MRPL32: variants seen among roughly 807,000 people sequenced by gnomAD.
MRPL32 encodes the protein large ribosomal subunit protein bL32m.
Under a neutral mutation model 21.7 loss-of-function variants are expected in MRPL32, and 14 were observed. The observed-to-expected ratio is 0.64, with a 90% CI of 0.43 to 1.01. The LOEUF (loss-of-function observed/expected upper bound fraction) is 1.01. MRPL32 is among the 50% of genes least tolerant of loss of function. The pLI, the probability that MRPL32 is intolerant of heterozygous loss-of-function variation, is 0.00. For missense variants in MRPL32, 211 were observed against 235.9 expected (o/e 0.89, Z 0.69); for synonymous variants, 83 against 87.7 (o/e 0.95, Z 0.30).
intron 2 of MRPL32, 65 bp from the exon 3 acceptor site, chr7:42,937,257 G>C (rs897917239): frequency 8.1e-6 from 13 of 1,611,240 alleles, no homozygotes; most frequent in African/African-American, 4.0e-5. Context: ...CATTGCTCCT[G>C]TCAGTGGTTA....
chr7:42,932,860 G>C (rs1786352620), intron 1 of MRPL32, among the ~76,000 whole-genome samples: 1 of 152,168 alleles, frequency 6.6e-6, no homozygotes, highest in South Asian at 2.1e-4. Flanking sequence ...CTCCATCCCG[G>C]TTTGTGCAGA....
chr7:42,936,921 A>G, intron 2 of MRPL32: 1 of 335,368 alleles, frequency 3.0e-6, no homozygotes, highest in East Asian at 7.6e-5. Context: ...GATAGATTGA[A>G]AGACAAAGGG....
intron 2 of MRPL32, 94 bp downstream of exon 2, chr7:42,935,230 C>G: frequency 9.9e-7 from 1 of 1,009,296 alleles, no homozygotes; most frequent in Admixed American, 2.7e-5. Flanking sequence ...AAATTATTAT[C>G]AGATTATATG....
intron 1 of MRPL32, among the ~76,000 whole-genome samples, chr7:42,933,922 C>T (rs1786377906): frequency 2.0e-5 from 3 of 152,216 alleles, no homozygotes; most frequent in South Asian, 4.1e-4. Context: ...AAATAAATGC[C>T]AGTTGTTAAG....
chr7:42,937,368 A>T lies in MRPL32; in HGVS notation c.359A>T (p.His120Leu), dbSNP rs147085651. The change falls in exon 3 of 3, where the codon CAT (histidine) becomes CTT (leucine). Residue 120 changes from histidine to leucine, a missense_variant. Physicochemically the swap from His to Leu is moderately conservative, Grantham distance 99. Coordinates refer to ENST00000223324, the MANE Select transcript of MRPL32 (RefSeq NM_031903.3). ...CPECGHLKQK[H>L]VLCAYCYEKV... is the part of the protein sequence containing the mutation. The stretch of plus-strand genomic sequence containing the variant: ...GAATGTGGTCACCTGAAACAGAAAC[A>T]TGTCCTTTGTGCCTACTGCTATGAA... 7.4e-6 allele frequency: 12 copies of T among 1,614,258 alleles called. 1 individual carries two copies. In the African/African-American group the frequency reaches 1.5e-4, roughly 20 times the overall value.
rs748596325 is a variant in MRPL32, at chr7:42,932,502, C to T, written c.116C>T (p.Pro39Leu). ...CTTCCGCAGAGCCGGCCGGGCTTTC[C>T]CAGTCCTCCGTGGGGTAGGTAAAGA... is the stretch of plus-strand genomic sequence containing the variant. Reference protein sequence around the residue: ...RKLPQSRPGFPSPPWGPALAV... With the variant: ...RKLPQSRPGFLSPPWGPALAV... The change falls in exon 1 of 3, where the codon CCC (proline) becomes CTC (leucine). Residue 39 changes from proline to leucine, a missense_variant. Transcript: ENST00000223324. 10 of 1,607,672 alleles carry T rather than the reference C, an allele frequency of 6.2e-6. No individual in the cohort carries two copies. Among genetic ancestry groups the T allele is most frequent in the Middle Eastern group, 3.3e-4 (2 of 6,046 alleles).
At chr7:42,932,550 T>A (rs1174323906) in intron 1 of MRPL32, 34 bp downstream of exon 1, 1 of 1,564,838 alleles carries the variant, frequency 6.4e-7, no homozygotes, top group South Asian at 1.1e-5. Context: ...GAGAGGGGGC[T>A]GATGACGGGA....
chr7:42,934,725 C>G (rs1786397091), intron 1 of MRPL32, among the ~76,000 whole-genome samples: 1 of 152,174 alleles, frequency 6.6e-6, no homozygotes, highest in Non-Finnish European at 1.5e-5. Context: ...CACTGATCTT[C>G]TTTTCAGCAG....
At chr7:42,936,372 G>A (rs1786422802) in intron 2 of MRPL32, 1 of 152,216 alleles carries the variant, frequency 6.6e-6, no homozygotes, top group Non-Finnish European at 1.5e-5. Context: ...CCAGCTGACT[G>A]TGGGTGTCTT....
intron 1 of MRPL32, 148 bp downstream of exon 1, chr7:42,932,664 C>T: frequency 1.3e-6 from 1 of 772,736 alleles, no homozygotes; most frequent in Non-Finnish European, 1.8e-6. Flanking sequence ...CCCATATTAG[C>T]GAGAACAGAA....
chr7:42,933,378 TGCAG>T (rs1472714701), intron 1 of MRPL32, among the ~76,000 whole-genome samples: 2 of 152,166 alleles, frequency 1.3e-5, no homozygotes, highest in African/African-American at 4.8e-5. Context: ...AGGACAGTTC[TGCAG>T]GTCTCACTTG....
intron 1 of MRPL32, among the ~76,000 whole-genome samples, chr7:42,933,464 CCT>C (rs1562705346): frequency 6.6e-6 from 1 of 151,288 alleles, no homozygotes; most frequent in African/African-American, 2.4e-5. Context: ...TCCCGCTTCC[CCT>C]CTCCCCCCTC....
chr7:42,934,128 C>T (rs887145104), intron 1 of MRPL32, among the ~76,000 whole-genome samples: 9 of 151,724 alleles, frequency 5.9e-5, no homozygotes, highest in East Asian at 1.9e-4. Flanking sequence ...ATTAACCAGG[C>T]GTGGTGGTGC....
intron 1 of MRPL32, among the ~76,000 whole-genome samples, chr7:42,933,643 C>G (rs549692048): frequency 6.6e-6 from 1 of 152,246 alleles, no homozygotes; most frequent in Admixed American, 6.5e-5. Flanking sequence ...ACTGTCATGG[C>G]TTTGGCATTT....
chr7:42,932,693 C>T (rs994800038), intron 1 of MRPL32, among the ~76,000 whole-genome samples, 177 bp downstream of exon 1: 1 of 75,026 alleles, frequency 1.3e-5, no homozygotes, highest in African/African-American at 4.4e-5. Flanking sequence ...TTTGCGCTCC[C>T]TCCACCGCAA....
intron 1 of MRPL32, 122 bp downstream of exon 1, chr7:42,932,638 C>G: frequency 9.1e-7 from 1 of 1,097,234 alleles, no homozygotes; most frequent in Non-Finnish European, 1.2e-6. Context: ...ATGTCGGGGA[C>G]GTAGTTCGTG....
intron 2 of MRPL32, chr7:42,935,662 A>G (rs1413566864): frequency 3.3e-5 from 5 of 152,348 alleles, no homozygotes; most frequent in African/African-American, 9.6e-5. Flanking sequence ...CCTTATGTTT[A>G]TTATATCTCA....
intron 2 of MRPL32, chr7:42,936,460 A>G (rs1786424058): frequency 6.6e-6 from 1 of 152,160 alleles, no homozygotes; most frequent in Admixed American, 6.5e-5. Flanking sequence ...GTAATATACA[A>G]GCCTCTTTCT....
In MRPL32 at chr7:42,935,102, G is replaced by A; in HGVS notation, c.278G>A (p.Arg93Lys). ...NRRTIEVNRC[R>K]RRNPQKLIKV... ...CGCACCATTGAAGTTAACCGGTGTA[G>A]GAGAAGAAATCCGCAGAAGCTTATT... is the stretch of plus-strand genomic sequence containing the variant. The change falls in exon 2 of 3, where the codon AGG (arginine) becomes AAG (lysine). Residue 93 changes from arginine (R) to lysine (K), a missense_variant. By Grantham distance (26) the Arg-to-Lys change is conservative. This residue lies in a region of MRPL32 where 130 missense variants were observed against 180.1 expected (regional missense o/e 0.72). Coordinates refer to ENST00000223324, the MANE Select transcript of MRPL32 (RefSeq NM_031903.3). 6.2e-7 allele frequency: 1 copy of A among 1,612,714 alleles called. No homozygotes were observed. Among genetic ancestry groups the A allele is most frequent in the African/African-American group, 1.3e-5 (1 of 74,908 alleles).
Sources: allele counts gnomAD v4.1 joint callset (sites outside exome capture counted in the v4.1 genomes callset), GRCh38; gene constraint gnomAD v4.1.1; regional missense constraint gnomAD v4.1.1; transcripts MANE v1.5; gene names NCBI Gene and HGNC (gene_info 2026-07-23, HGNC 2026-07-21).